MTUS1: variants seen among roughly 807,000 people sequenced by gnomAD.
MTUS1 encodes microtubule associated scaffold protein 1.
Under a neutral mutation model 120.8 loss-of-function variants are expected in MTUS1, and 109 were observed. The ratio of observed to expected loss-of-function variants is 0.90; its 90% CI spans 0.77 to 1.06. The LOEUF (loss-of-function observed/expected upper bound fraction) is 1.06. Among genes scored for constraint, MTUS1 ranks in the 50% least tolerant of loss-of-function variants. The pLI is 0.00. For missense variants in MTUS1, 2,210 were observed against 1,486.3 expected (o/e 1.49, Z -8.01); for synonymous variants, 737 against 550.5 (o/e 1.34, Z -4.74).
chr8:17,799,015 G>T (rs1368353220), intron 1 of MTUS1, among the ~76,000 whole-genome samples: 2 of 70,280 alleles, frequency 2.8e-5, no homozygotes, highest in South Asian at 6.0e-4. Flanking sequence ...AACCTGGGAA[G>T]AATTTTTTTT....
chr8:17,776,678 CAAAAAAAAAAAAAAAA>C (rs71215272), intron 1 of MTUS1, among the ~76,000 whole-genome samples: 4 of 55,156 alleles, frequency 7.3e-5, no homozygotes, highest in Middle Eastern at 0.021. Flanking sequence ...GACTCTGTCT[CAAAAAAAAAAAAAAAA>C]AAAAAAAAAA....
At chr8:17,723,608 G>C (rs1173223463) in intron 4 of MTUS1, 64 bp downstream of exon 4, 2 of 1,492,572 alleles carry the variant, frequency 1.3e-6, no homozygotes, top group African/African-American at 2.7e-5. Flanking sequence ...TATTTGCAGA[G>C]CATTAGTTTT....
Position 17,754,159 on chromosome 8 carries a change from T to G in MTUS1, c.1649A>C (p.Gln550Pro), listed in dbSNP as rs766760511. Residue 550 changes from glutamine to proline, a missense_variant, in exon 2 of 15, where the codon CAA becomes CCA. Physicochemically the swap from Gln to Pro is moderately conservative, Grantham distance 76. Coordinates refer to ENST00000693296, the MANE Select transcript of MTUS1 (RefSeq NM_001363059.2). ...TCTCGGTGTTCTGCTCAAGACTGTT[T>G]GTTGTCTTGAATTCACTGATGAGGG... ...SSPSSVNSRQ[Q>P]TVLSRTPRSD... 6.2e-7 allele frequency: 1 copy of G among 1,613,612 alleles called. No individual in the cohort carries two copies. The highest frequency in any genetic ancestry group is 1.1e-5 in the South Asian group (1 of 91,048).
chr8:17,770,249 C>A (rs1006328580), intron 1 of MTUS1, among the ~76,000 whole-genome samples: 1 of 152,062 alleles, frequency 6.6e-6, no homozygotes, highest in African/African-American at 2.4e-5. Context: ...CATTTTCAAA[C>A]GTTCTAGAAT....
intron 8 of MTUS1, among the ~76,000 whole-genome samples, chr8:17,662,316 C>G (rs1487297385): frequency 1.3e-5 from 2 of 149,740 alleles, no homozygotes; most frequent in Non-Finnish European, 3.0e-5. Context: ...AGGTATTAGA[C>G]AAACACAAAG....
At chr8:17,687,618 G>T (rs1020301293) in intron 6 of MTUS1, among the ~76,000 whole-genome samples, 10 of 152,078 alleles carry the variant, frequency 6.6e-5, no homozygotes, top group Non-Finnish European at 1.5e-5. Flanking sequence ...AAAATTAAAC[G>T]TCAACTTCTA....
intron 8 of MTUS1, among the ~76,000 whole-genome samples, chr8:17,668,511 C>A (rs17125042): frequency 0.67 from 101,905 of 152,066 alleles, 34,490 homozygotes; most frequent in Middle Eastern, 0.83. Flanking sequence ...AATCTATTTC[C>A]AAGGCTGACA....
intron 1 of MTUS1, among the ~76,000 whole-genome samples, chr8:17,788,019 G>A (rs1177482846): frequency 1.3e-5 from 2 of 152,154 alleles, no homozygotes; most frequent in East Asian, 3.9e-4. Context: ...TACTCCGGAG[G>A]CTGAAGTAGG....
intron 1 of MTUS1, among the ~76,000 whole-genome samples, chr8:17,773,718 A>G (rs934176991): frequency 6.6e-6 from 1 of 152,176 alleles, no homozygotes; most frequent in Non-Finnish European, 1.5e-5. Flanking sequence ...ATTACCTCCC[A>G]AAGACTCCAC....
At chr8:17,771,672 G>A (rs2050034354) in intron 1 of MTUS1, among the ~76,000 whole-genome samples, 1 of 152,202 alleles carries the variant, frequency 6.6e-6, no homozygotes, top group Non-Finnish European at 1.5e-5. Flanking sequence ...GTCTACGCAT[G>A]AAAACAAACC....
intron 6 of MTUS1, among the ~76,000 whole-genome samples, chr8:17,703,708 G>C (rs1819580043): frequency 6.6e-6 from 1 of 151,448 alleles, no homozygotes; most frequent in Admixed American, 6.6e-5. Flanking sequence ...TACTAGGATT[G>C]GGAAACACCA....
intron 7 of MTUS1, among the ~76,000 whole-genome samples, chr8:17,680,593 T>C (rs1441826627): frequency 2.6e-5 from 4 of 151,794 alleles, no homozygotes; most frequent in Middle Eastern, 3.4e-3. Flanking sequence ...TACAATTGTC[T>C]GGGAAATTCA....
At chr8:17,704,641 C>T (rs537666591) in intron 6 of MTUS1, among the ~76,000 whole-genome samples, 2 of 152,244 alleles carry the variant, frequency 1.3e-5, no homozygotes, top group South Asian at 4.1e-4. Flanking sequence ...TATATTTGTG[C>T]CAGTACCATA....
chr8:17,724,716 C>G (rs919965655), intron 3 of MTUS1, among the ~76,000 whole-genome samples: 1 of 152,166 alleles, frequency 6.6e-6, no homozygotes, highest in African/African-American at 2.4e-5. Flanking sequence ...CCCAGTCTTT[C>G]GCTCTTAACC....
intron 9 of MTUS1, 90 bp from the exon 10 acceptor site, chr8:17,654,756 G>T: frequency 1.2e-6 from 1 of 859,550 alleles, no homozygotes; most frequent in Non-Finnish European, 2.0e-6. Flanking sequence ...AGACGTCACA[G>T]CTTCACAGGT....
At chr8:17,735,888 T>C (rs1320166444) in intron 3 of MTUS1, among the ~76,000 whole-genome samples, 4 of 152,224 alleles carry the variant, frequency 2.6e-5, no homozygotes, top group Admixed American at 2.6e-4. Context: ...AAGGAAATAA[T>C]GAGCATACAG....
chr8:17,713,199 A>T lies in MTUS1; in HGVS notation c.2623+15T>A, dbSNP rs761944498. On this transcript the variant is annotated intron_variant, in intron 6 of 14. Coordinates refer to ENST00000693296, the MANE Select transcript of MTUS1 (RefSeq NM_001363059.2). ...AAAGATTCTTTTTATCGCCATCCAT[A>T]AAGTGGTCACTCACCTGCATTAAGA... 1 of 1,587,512 alleles carries T rather than the reference A, an allele frequency of 6.3e-7. No individual in the cohort carries two copies.
At chr8:17,783,241 G>C (rs764961107) in intron 1 of MTUS1, among the ~76,000 whole-genome samples, 1 of 152,224 alleles carries the variant, frequency 6.6e-6, no homozygotes. Flanking sequence ...CACCTGCCCA[G>C]TGAAGTCTCT....
At chr8:17,739,595 G>T (rs978719198) in intron 3 of MTUS1, among the ~76,000 whole-genome samples, 3 of 152,172 alleles carry the variant, frequency 2.0e-5, no homozygotes, top group African/African-American at 4.8e-5. Flanking sequence ...AGCATCACTG[G>T]CTGGTCTGAA....
Sources: allele counts gnomAD v4.1 joint callset (sites outside exome capture counted in the v4.1 genomes callset), GRCh38; gene constraint gnomAD v4.1.1; transcripts MANE v1.5; gene names NCBI Gene and HGNC (gene_info 2026-07-23, HGNC 2026-07-21).